Variants in NUP62CL observed in about 807,000 individuals in gnomAD.
NUP62CL encodes the protein nucleoporin-62 C-terminal-like protein.
Under a neutral mutation model 15.3 loss-of-function variants are expected in NUP62CL, and 13 were observed. The ratio of observed to expected loss-of-function variants is 0.85; its 90% CI spans 0.55 to 1.35. The LOEUF is 1.35. NUP62CL is among the 40% of genes most tolerant of loss of function. NUP62CL has a pLI of 0.00. For missense variants in NUP62CL, 123 were observed against 130.6 expected, an observed-to-expected ratio of 0.94 and a Z score of 0.28; for synonymous variants, 54 against 49.2, an observed-to-expected ratio of 1.10 and a Z score of -0.41.
At chrX:107,181,247 AT>A (rs1926914841) in intron 2 of NUP62CL, among the ~76,000 whole-genome samples, 1 of 109,980 alleles carries the variant, frequency 9.1e-6, no homozygotes, top group African/African-American at 3.3e-5. Context: ...GTAACCAAGG[AT>A]TTTTTTCAGT....
intron 3 of NUP62CL, among the ~76,000 whole-genome samples, chrX:107,174,289 C>A (rs1171873757): frequency 9.3e-6 from 1 of 107,205 alleles, no homozygotes; most frequent in Non-Finnish European, 1.9e-5. Flanking sequence ...GTAGCTGGGA[C>A]TACAGGCATG....
chrX:107,184,242 AATT>A (rs1361030682), intron 2 of NUP62CL, among the ~76,000 whole-genome samples: 3 of 109,322 alleles, frequency 2.7e-5, no homozygotes, highest in Non-Finnish European at 3.8e-5. Flanking sequence ...ATCAACAAAC[AATT>A]ATTAACACAC....
chrX:107,150,856 C>G (rs750598758), intron 7 of NUP62CL: 1 of 339,958 alleles, frequency 2.9e-6, no homozygotes, highest in South Asian at 2.6e-5. Context: ...GTAAACACAC[C>G]GGATCAGTAG....
intron 1 of NUP62CL, among the ~76,000 whole-genome samples, chrX:107,196,396 A>T (rs1395981310): frequency 9.0e-6 from 1 of 111,279 alleles, no homozygotes; most frequent in Non-Finnish European, 1.9e-5. Context: ...GTTTTTCCCT[A>T]TAATCCCATT....
intron 1 of NUP62CL, among the ~76,000 whole-genome samples, chrX:107,200,198 TC>T (rs762741730): frequency 1.7e-4 from 19 of 112,130 alleles, no homozygotes; most frequent in African/African-American, 5.8e-4. Context: ...AGTTCTTTTT[TC>T]CCCCTTCATA....
Position 107,150,730 on chromosome X carries a change from C to A in NUP62CL, c.530+2442G>T, listed in dbSNP as rs952853944. On this transcript the variant is annotated intron_variant, in intron 7 of 8. Transcript: ENST00000372466. ...CCCAGGCTGGTCTCAAACTCTTGGC[C>A]TAAAACAGTTCTCTTGCCTCGGCCT... 1.1e-5 allele frequency: 3 copies of A among 274,895 alleles called. No homozygotes were observed. In the Admixed American group the frequency reaches 1.2e-4, roughly 11 times the overall value. 22.7% of individuals were successfully genotyped at this position (274,895 alleles called of 1,213,427 possible). A position where few individuals can be genotyped will look rare whatever the true frequency, so the allele number is the denominator to read the frequency against.
At chrX:107,134,517 A>T (rs1174798553) in intron 8 of NUP62CL, among the ~76,000 whole-genome samples, 1 of 111,726 alleles carries the variant, frequency 9.0e-6, no homozygotes, top group Non-Finnish European at 1.9e-5. Context: ...GCAGTGGCGC[A>T]GTCTGGGCTC....
chrX:107,128,399 T>C (rs988008886), intron 8 of NUP62CL, among the ~76,000 whole-genome samples: 3 of 112,117 alleles, frequency 2.7e-5, no homozygotes, highest in African/African-American at 9.7e-5. Flanking sequence ...CTAAATACAG[T>C]ATCCTGTGTA....
At chrX:107,173,476 A>G (rs1028984311) in intron 3 of NUP62CL, among the ~76,000 whole-genome samples, 2 of 112,237 alleles carry the variant, frequency 1.8e-5, no homozygotes, top group African/African-American at 3.2e-5. Flanking sequence ...TGTGGTCCCA[A>G]TATCTTTTCA....
intron 1 of NUP62CL, among the ~76,000 whole-genome samples, chrX:107,203,678 A>T (rs1208594595): frequency 8.9e-6 from 1 of 111,802 alleles, no homozygotes; most frequent in Non-Finnish European, 1.9e-5. Context: ...AGATCATCAC[A>T]ACACAGAAAA....
At chrX:107,164,744 T>A (rs773386528) in intron 4 of NUP62CL, among the ~76,000 whole-genome samples, 30 of 112,672 alleles carry the variant, frequency 2.7e-4, no homozygotes, top group African/African-American at 9.3e-4. Context: ...ATGAACTAGA[T>A]AACCTGAATA....
intron 4 of NUP62CL, among the ~76,000 whole-genome samples, chrX:107,157,003 C>A (rs1184406340): frequency 1.1e-5 from 1 of 90,825 alleles, no homozygotes; most frequent in Non-Finnish European, 2.2e-5. Context: ...GGAGCCGATG[C>A]GATCAACTGG....
chrX:107,163,064 T>A (rs1461422479), intron 4 of NUP62CL, among the ~76,000 whole-genome samples: 1 of 111,597 alleles, frequency 9.0e-6, no homozygotes, highest in Non-Finnish European at 1.9e-5. Flanking sequence ...GGACCCCTGA[T>A]ATAAAGTAAG....
intron 1 of NUP62CL, among the ~76,000 whole-genome samples, chrX:107,197,662 A>C (rs1419738251): frequency 9.2e-6 from 1 of 109,060 alleles, no homozygotes; most frequent in Non-Finnish European, 1.9e-5. Context: ...CTAGGCCCCC[A>C]AAAATCATCA....
intron 4 of NUP62CL, among the ~76,000 whole-genome samples, chrX:107,155,354 G>T (rs1481516184): frequency 8.9e-6 from 1 of 112,422 alleles, no homozygotes; most frequent in Non-Finnish European, 1.9e-5. Flanking sequence ...CCAACAGGAA[G>T]CTGAAATTCT....
intron 1 of NUP62CL, among the ~76,000 whole-genome samples, chrX:107,194,041 C>T (rs923391290): frequency 7.4e-5 from 8 of 108,579 alleles, no homozygotes; most frequent in South Asian, 7.9e-4. Context: ...CTGCCAGTAC[C>T]GAGGGCAGAT....
chrX:107,192,445 T>C (rs1927265814), intron 2 of NUP62CL, among the ~76,000 whole-genome samples: 1 of 111,963 alleles, frequency 8.9e-6, no homozygotes, highest in South Asian at 3.8e-4. Context: ...AGTGGTGCAA[T>C]CATGGCTCAC....
In NUP62CL at chrX:107,204,047, T is replaced by C. The variant is rs1927551576; in HGVS notation, c.-92+2226A>G. On this transcript the variant is annotated intron_variant, in intron 1 of 8. Transcript: ENST00000372466. ...AAACCTTTATTTCACCATTATTCTT[T>C]TTTTTTATTATTATACTTTAAGTTT... Among the ~76,000 whole-genome samples the C allele has an allele frequency of 2.7e-5, 3 of 111,606 alleles. No individual in the cohort carries two copies. In the South Asian group the frequency reaches 1.1e-3, roughly 42 times the overall value.
intron 2 of NUP62CL, among the ~76,000 whole-genome samples, chrX:107,177,912 T>C (rs1926822436): frequency 9.0e-6 from 1 of 111,589 alleles, no homozygotes; most frequent in Non-Finnish European, 1.9e-5. Context: ...TGAATATTCA[T>C]AGCAGTATTA....
Sources: allele counts gnomAD v4.1 joint callset (sites outside exome capture counted in the v4.1 genomes callset), GRCh38; gene constraint gnomAD v4.1.1; transcripts MANE v1.5; gene names NCBI Gene and HGNC (gene_info 2026-07-23, HGNC 2026-07-21).